KCNK15: variants seen among roughly 807,000 people sequenced by gnomAD.
The protein encoded by KCNK15 is potassium two pore domain channel subfamily K member 15, also known as potassium channel subfamily K member 15.
Under a neutral mutation model 8.5 loss-of-function variants are expected in KCNK15, and 9 were observed. The ratio of observed to expected loss-of-function variants is 1.06; its 90% CI spans 0.64 to 1.85. KCNK15 has a LOEUF of 1.85. Ranked by LOEUF, KCNK15 falls within the 40% of genes most tolerant of loss-of-function variation. The probability of loss-of-function intolerance (pLI) is 0.00; values close to 1 mark genes in which losing one functional copy is unlikely to be tolerated. For missense variants in KCNK15, 467 were observed against 476.8 expected, an observed-to-expected ratio of 0.98 and a Z score of 0.19; for synonymous variants, 224 against 232.7, an observed-to-expected ratio of 0.96 and a Z score of 0.34.
chr20:44,751,347 G>A lies in KCNK15; in HGVS notation c.*509G>A, dbSNP rs528508436. ...AGGGGGTCAATCTCTTGCGCTAAAC[G>A]ATCTCATTCTCTGCCCAGTGTATAG... On this transcript the variant is annotated 3_prime_UTR_variant, in exon 2 of 2. Transcript: ENST00000372861. 5.9e-5 allele frequency: 9 copies of A among 152,452 alleles called. No homozygotes were observed. The highest frequency in any genetic ancestry group is 3.3e-4 in the Admixed American group (5 of 15,308). The allele number at this position is 152,452 out of a possible 1,614,324, so 9.4% of individuals were successfully genotyped here.
chr20:44,750,620 CGCACCCCCA>C lies in KCNK15; in HGVS notation c.778_786del (p.Thr260_Ser262del). 1 of 1,597,092 alleles carries C rather than the reference CGCACCCCCA, an allele frequency of 6.3e-7. No homozygotes were observed. The highest frequency in any genetic ancestry group is 1.1e-5 in the South Asian group (1 of 90,700). On this transcript the variant is annotated inframe_deletion, in exon 2 of 2. Coordinates refer to ENST00000372861, the MANE Select transcript of KCNK15 (RefSeq NM_022358.4). The stretch of plus-strand genomic sequence containing the variant: ...CGCCGACTGGCCCGAGCGCGCTGCC[CGCACCCCCA>C]GCCCGCGCCCCCCGGGGGCGCCCGA...
intron 1 of KCNK15, among the ~76,000 whole-genome samples, chr20:44,748,704 T>C (rs964083303): frequency 6.6e-6 from 1 of 152,270 alleles, no homozygotes; most frequent in African/African-American, 2.4e-5. Flanking sequence ...GATGTTTTTA[T>C]GTCAGTCTCT....
At chr20:44,746,841 A>G (rs988946916) in intron 1 of KCNK15, 1 of 152,244 alleles carries the variant, frequency 6.6e-6, no homozygotes, top group African/African-American at 2.4e-5. Context: ...TAGATGATCA[A>G]TAAATACTTG....
intron 1 of KCNK15, 64 bp from the exon 2 acceptor site, chr20:44,750,065 G>A (rs1334849559): frequency 6.9e-7 from 1 of 1,455,028 alleles, no homozygotes; most frequent in East Asian, 2.4e-5. Flanking sequence ...GGCAGGCTGC[G>A]GGCGGGACTG....
Position 44,750,637 on chromosome 20 carries a change from CCCCCCGGGGGCGCCCGAGAG to C in KCNK15, c.795_814del (p.Pro266TrpfsTer89), listed in dbSNP as rs773864954. 1 of 1,569,616 alleles carries C rather than the reference CCCCCCGGGGGCGCCCGAGAG, an allele frequency of 6.4e-7. No individual in the cohort carries two copies. Among genetic ancestry groups the C allele is most frequent in the African/African-American group, 1.4e-5 (1 of 73,522 alleles). The stretch of plus-strand genomic sequence containing the variant: ...GCGCTGCCCGCACCCCCAGCCCGCG[CCCCCCGGGGGCGCCCGAGAG>C]CCGTGGCCTCTGGCTGCCCCGCCGC... On this transcript the variant is annotated frameshift_variant, in exon 2 of 2. Transcript: ENST00000372861. LOFTEE classifies it low-confidence loss of function (END_TRUNC).
In KCNK15 at chr20:44,750,926, G is replaced by A. The variant is rs1380934931; in HGVS notation, c.*88G>A. 1 of 937,554 alleles carries A rather than the reference G, an allele frequency of 1.1e-6. No individual in the cohort carries two copies. Among genetic ancestry groups the A allele is most frequent in the African/African-American group, 1.8e-5 (1 of 56,534 alleles). The allele number at this position is 937,554 out of a possible 1,614,324, so 58.1% of individuals were successfully genotyped here. A position where few individuals can be genotyped will look rare whatever the true frequency, so the allele number is the denominator to read the frequency against. On this transcript the variant is annotated 3_prime_UTR_variant, in exon 2 of 2. Transcript: ENST00000372861. ...CCCTCCCCAGGGATTGGAAACGGAT[G>A]ACGGGCCTCTAGGCGGTCTTCTGCC...
intron 1 of KCNK15, 133 bp downstream of exon 1, chr20:44,746,326 C>T: frequency 1.3e-6 from 1 of 763,130 alleles, no homozygotes; most frequent in East Asian, 3.4e-5. Flanking sequence ...CACCGAGCCT[C>T]CCTCATCTCC....
Position 44,751,138 on chromosome 20 carries a change from C to T in KCNK15, c.*300C>T, listed in dbSNP as rs2066030195. On this transcript the variant is annotated 3_prime_UTR_variant, in exon 2 of 2. Transcript: ENST00000372861. ...GGAGAGGCTCTGCACAGGTCCACCT[C>T]AGAGCCGACCCTCCAGAGCAACTTT... 4.1e-6 allele frequency: 1 copy of T among 243,058 alleles called. No homozygotes were observed. The highest frequency in any genetic ancestry group is 7.6e-5 in the East Asian group (1 of 13,074). 15.1% of individuals were successfully genotyped at this position (243,058 alleles called of 1,614,324 possible).
rs1421623288 is a variant in KCNK15, at chr20:44,750,804, C to A, written c.959C>A (p.Ala320Asp). Residue 320 changes from alanine (A) to aspartate (D), a missense_variant, in exon 2 of 2, where the codon GCT becomes GAT. By Grantham distance (126) the Ala-to-Asp change is moderately radical. Around this residue, in one of 2 missense-constraint regions of KCNK15, gnomAD observed 455 missense variants for 441.2 expected, o/e 1.03. Coordinates refer to ENST00000372861, the MANE Select transcript of KCNK15 (RefSeq NM_022358.4). ...SSPGVVRGGQ[A>D]PRLGARWKSI ...CCGGGGGTCGTGCGTGGCGGGCAGG[C>A]TCCCAGGCTTGGGGCCCGGTGGAAG... The A allele has an allele frequency of 6.7e-7, 1 of 1,492,708 alleles. No individual in the cohort carries two copies. Among genetic ancestry groups the A allele is most frequent in the South Asian group, 1.3e-5 (1 of 78,816 alleles). 92.5% of individuals were successfully genotyped at this position (1,492,708 alleles called of 1,614,324 possible).
Position 44,746,016 on chromosome 20 carries a change from G to T in KCNK15, c.106G>T (p.Gly36Cys), listed in dbSNP as rs749373988. The T allele has an allele frequency of 2.0e-6, 3 of 1,531,010 alleles. No individual in the cohort carries two copies. The highest frequency in any genetic ancestry group is 2.6e-6 in the Non-Finnish European group (3 of 1,138,882). 94.8% of individuals were successfully genotyped at this position (1,531,010 alleles called of 1,614,324 possible). The stretch of plus-strand genomic sequence containing the variant: ...CGCGCTCGAGTCCGAGGCGGAAAGC[G>T]GCCGCCAGCGACTGCTGGTCCAGAA... ...FDALESEAES[G>C]RQRLLVQKRG... Residue 36 changes from glycine to cysteine, a missense_variant, in exon 1 of 2, where the codon GGC (glycine) becomes TGC (cysteine). Gly to Cys is a radical substitution (Grantham distance 159, BLOSUM62 -3). Around this residue, in one of 2 missense-constraint regions of KCNK15, gnomAD observed 455 missense variants for 441.2 expected, o/e 1.03. Transcript: ENST00000372861.
chr20:44,746,207 A>T lies in KCNK15; in HGVS notation c.283+14A>T, dbSNP rs755308107. 5 of 1,370,558 alleles carry T rather than the reference A, an allele frequency of 3.6e-6. No homozygotes were observed. Among genetic ancestry groups the T allele is most frequent in the Non-Finnish European group, 3.8e-6 (4 of 1,053,964 alleles). The allele number at this position is 1,370,558 out of a possible 1,614,324, so 84.9% of individuals were successfully genotyped here. A position where few individuals can be genotyped will look rare whatever the true frequency, so the allele number is the denominator to read the frequency against. On this transcript the variant is annotated intron_variant, in intron 1 of 1. Coordinates refer to ENST00000372861, the MANE Select transcript of KCNK15 (RefSeq NM_022358.4). The stretch of plus-strand genomic sequence containing the variant: ...TCACTACCATCGGTGAGCCGCCCGG[A>T]GCCTCCCTCCGCGCCCGCTCCAGCC...
At position 44,750,542 on chromosome 20, in the gene KCNK15, A is replaced by G. The variant is rs2066025543; in HGVS notation, c.697A>G (p.Thr233Ala). ...FSFLYILLGL[T>A]VIGAFLNLVV... ...CTTCCTCTACATCCTCCTGGGGCTC[A>G]CGGTCATTGGCGCCTTCCTCAACCT... The change falls in exon 2 of 2, where the codon ACG becomes GCG. Residue 233 changes from threonine (T) to alanine (A), a missense_variant. Physicochemically the swap from Thr to Ala is moderately conservative, Grantham distance 58 (BLOSUM62 0). This residue lies in a region of KCNK15 where 455 missense variants were observed against 441.2 expected (regional missense o/e 1.03). Coordinates refer to ENST00000372861, the MANE Select transcript of KCNK15 (RefSeq NM_022358.4). 6.2e-7 allele frequency: 1 copy of G among 1,610,192 alleles called. No homozygotes were observed. Among genetic ancestry groups the G allele is most frequent in the South Asian group, 1.1e-5 (1 of 90,988 alleles).
In KCNK15 at chr20:44,746,138, C is replaced by G; in HGVS notation, c.228C>G (p.Arg76=). 7.0e-7 allele frequency: 1 copy of G among 1,424,388 alleles called. No individual in the cohort carries two copies. The highest frequency in any genetic ancestry group is 9.2e-7 in the Non-Finnish European group (1 of 1,081,936). 88.2% of individuals were successfully genotyped at this position (1,424,388 alleles called of 1,614,324 possible). The change falls in exon 1 of 2, where the codon CGC becomes CGG. Residue 76 remains arginine (R), a synonymous_variant. Transcript: ENST00000372861. ...ALQAEPHRAG[R]QWKFPGSFYF... is the part of the protein sequence containing the mutation. ...AGGCTGAGCCCCACCGCGCCGGCCG[C>G]CAGTGGAAGTTCCCCGGCTCCTTCT... is the stretch of plus-strand genomic sequence containing the variant.
chr20:44,750,842 C>T lies in KCNK15; in HGVS notation c.*4C>T. ...GGCCCGGTGGAAGTCCATCTGACAACCCCACCCAGGCCAGGGTCGAATCTG... is the reference window on the plus strand; with the variant it reads ...GGCCCGGTGGAAGTCCATCTGACAATCCCACCCAGGCCAGGGTCGAATCTG... On this transcript the variant is annotated 3_prime_UTR_variant, in exon 2 of 2. Transcript: ENST00000372861. The T allele has an allele frequency of 1.4e-6, 2 of 1,432,962 alleles. No individual in the cohort carries two copies. Among genetic ancestry groups the T allele is most frequent in the Non-Finnish European group, 1.8e-6 (2 of 1,094,344 alleles). The allele number at this position is 1,432,962 out of a possible 1,614,324, so 88.8% of individuals were successfully genotyped here.
intron 1 of KCNK15, among the ~76,000 whole-genome samples, chr20:44,748,898 C>A (rs2066017698): frequency 6.6e-6 from 1 of 152,168 alleles, no homozygotes; most frequent in Non-Finnish European, 1.5e-5. Context: ...AGAATGTCTC[C>A]AGATGTTGCC....
chr20:44,750,155 G>C lies in KCNK15; in HGVS notation c.310G>C (p.Asp104His). 1.2e-6 allele frequency: 2 copies of C among 1,611,608 alleles called. No homozygotes were observed. The highest frequency in any genetic ancestry group is 8.5e-7 in the Non-Finnish European group (1 of 1,179,544). Residue 104 changes from aspartate to histidine, a missense_variant, in exon 2 of 2, where the codon GAC (aspartate) becomes CAC (histidine). This residue lies in a region of KCNK15 where 455 missense variants were observed against 441.2 expected (regional missense o/e 1.03). Coordinates refer to ENST00000372861, the MANE Select transcript of KCNK15 (RefSeq NM_022358.4). Reference sequence around the variant, plus strand: ...GTACGGCCACGCCGCGCCGGGTACGGACTCCGGCAAGGTCTTCTGCATGTT... The same window carrying C: ...GTACGGCCACGCCGCGCCGGGTACGCACTCCGGCAAGGTCTTCTGCATGTT... ...IEYGHAAPGT[D>H]SGKVFCMFYA...
chr20:44,746,031 C>T lies in KCNK15; in HGVS notation c.121C>T (p.Leu41=). 1 of 1,539,126 alleles carries T rather than the reference C, an allele frequency of 6.5e-7. No individual in the cohort carries two copies. Among genetic ancestry groups the T allele is most frequent in the Non-Finnish European group, 8.7e-7 (1 of 1,142,966 alleles). Residue 41 remains leucine, a synonymous_variant, in exon 1 of 2, where the codon CTG becomes TTG. Coordinates refer to ENST00000372861, the MANE Select transcript of KCNK15 (RefSeq NM_022358.4). ...SEAESGRQRL[L]VQKRGALRRK... The stretch of plus-strand genomic sequence containing the variant: ...GGCGGAAAGCGGCCGCCAGCGACTG[C>T]TGGTCCAGAAGCGGGGCGCTCTCCG...
intron 1 of KCNK15, among the ~76,000 whole-genome samples, chr20:44,748,430 A>G (rs1056398109): frequency 2.0e-5 from 3 of 152,168 alleles, no homozygotes; most frequent in Admixed American, 6.5e-5. Flanking sequence ...AAATGTATGT[A>G]GTGCTGATAT....
At position 44,751,038 on chromosome 20, in the gene KCNK15, G is replaced by C; in HGVS notation, c.*200G>C. 2.4e-6 allele frequency: 1 copy of C among 408,696 alleles called. No individual in the cohort carries two copies. The highest frequency in any genetic ancestry group is 3.9e-5 in the East Asian group (1 of 25,602). 25.3% of individuals were successfully genotyped at this position (408,696 alleles called of 1,614,324 possible). On this transcript the variant is annotated 3_prime_UTR_variant, in exon 2 of 2. Transcript: ENST00000372861. ...ACAGTCACACCATAAGCACAAACCA[G>C]GCTCCAGGGTCACCCTGTAGGAGCA...
Sources: gnomAD v4.1 joint callset for allele counts (sites outside exome capture counted in the v4.1 genomes callset) on GRCh38, gnomAD v4.1.1 for gene constraint, gnomAD v4.1.1 regional missense constraint, MANE v1.5 for transcripts, NCBI Gene and HGNC (gene_info 2026-07-23, HGNC 2026-07-21) for gene names.